Variants in ALDH1A3 observed in about 807,000 individuals in gnomAD.
The protein encoded by ALDH1A3 is aldehyde dehydrogenase 1 family member A3, also known as retinaldehyde dehydrogenase 3.
ALDH1A3 carries 28 observed loss-of-function variants against 57.5 expected under a neutral mutation model. The ratio of observed to expected loss-of-function variants is 0.49; its 90% CI spans 0.36 to 0.67. The LOEUF (loss-of-function observed/expected upper bound fraction) is 0.67. ALDH1A3 is among the 30% of genes least tolerant of loss of function. The pLI is 0.00. For synonymous variants in ALDH1A3, 281 were observed against 264.8 expected (o/e 1.06, Z -0.59); for missense variants, 507 against 669.4 (o/e 0.76, Z 2.68).
In ALDH1A3 at chr15:100,900,701, A is replaced by T; in HGVS notation, c.1010A>T (p.Tyr337Phe). The T allele has an allele frequency of 6.2e-7, 1 of 1,614,122 alleles. No individual in the cohort carries two copies. Among genetic ancestry groups the T allele is most frequent in the East Asian group, 2.2e-5 (1 of 44,870 alleles). ...YSEFVRRSVE[Y>F]AKKRPVGDPF... The stretch of plus-strand genomic sequence containing the variant: ...GAGTTTGTCAGGCGGAGCGTGGAGT[A>T]TGCCAAGAAACGGCCCGTGGGAGAC... Residue 337 changes from tyrosine (Y) to phenylalanine (F), a missense_variant, in exon 9 of 13, where the codon TAT becomes TTT. By Grantham distance (22) the Tyr-to-Phe change is conservative. Coordinates refer to ENST00000329841, the MANE Select transcript of ALDH1A3 (RefSeq NM_000693.4).
chr15:100,900,384 G>T (rs1442536116), intron 8 of ALDH1A3, among the ~76,000 whole-genome samples, 191 bp from the exon 9 acceptor site: 1 of 152,176 alleles, frequency 6.6e-6, no homozygotes, highest in African/African-American at 2.4e-5. Context: ...AAACTTGGTG[G>T]ACCCCAAAAT....
intron 9 of ALDH1A3, among the ~76,000 whole-genome samples, chr15:100,902,783 A>G (rs1465790708): frequency 2.0e-5 from 3 of 152,232 alleles, no homozygotes; most frequent in Non-Finnish European, 4.4e-5. Context: ...GATTTAAACA[A>G]TGTGTTCCTA....
rs918377768 is a variant in ALDH1A3 at position 100,900,865 on chromosome 15, C to T, written c.1068+106C>T. 12 of 1,228,544 alleles carry T rather than the reference C, an allele frequency of 9.8e-6. No homozygotes were observed. The African/African-American group carries it at 1.2e-4, about 12-fold the overall frequency. The allele number at this position is 1,228,544 out of a possible 1,614,324, so 76.1% of individuals were successfully genotyped here. A position where few individuals can be genotyped will look rare whatever the true frequency, so the allele number is the denominator to read the frequency against. The stretch of plus-strand genomic sequence containing the variant: ...TCCCTCTCCGTGAAAGGAATGCTGA[C>T]CTGTCCTGCCCAGGAGGCTTTCTTT... On this transcript the variant is annotated intron_variant, in intron 9 of 12. Coordinates refer to ENST00000329841, the MANE Select transcript of ALDH1A3 (RefSeq NM_000693.4).
intron 3 of ALDH1A3, 65 bp from the exon 4 acceptor site, chr15:100,892,445 A>T: frequency 1.2e-6 from 2 of 1,603,474 alleles, no homozygotes; most frequent in Non-Finnish European, 1.7e-6. Context: ...TTCCATCTTT[A>T]ACAACCTGAC....
chr15:100,880,321 G>T, intron 1 of ALDH1A3: 1 of 372,432 alleles, frequency 2.7e-6, no homozygotes. Flanking sequence ...CTTTGATCGC[G>T]AGTGGAGGTG....
In ALDH1A3 at chr15:100,879,970, G is replaced by A; in HGVS notation, c.63G>A (p.Pro21=). 5 of 1,476,282 alleles carry A rather than the reference G, an allele frequency of 3.4e-6. No individual in the cohort carries two copies. The highest frequency in any genetic ancestry group is 2.7e-6 in the Non-Finnish European group (3 of 1,112,296). 91.4% of individuals were successfully genotyped at this position (1,476,282 alleles called of 1,614,324 possible). The change falls in exon 1 of 13, where the codon CCG becomes CCA. Residue 21 remains proline, a synonymous_variant. Coordinates refer to ENST00000329841, the MANE Select transcript of ALDH1A3 (RefSeq NM_000693.4). ...GQPDRKPPAL[P]RPIRNLEVKF... ...CGGACAGGAAGCCGCCGGCCCTGCCGCGCCCCATCCGCAACCTGGAGGTCA... is the reference window on the plus strand; with the variant it reads ...CGGACAGGAAGCCGCCGGCCCTGCCACGCCCCATCCGCAACCTGGAGGTCA...
In ALDH1A3 at chr15:100,887,738, T is replaced by TG. The variant is rs763048246; in HGVS notation, c.345+31dup. 1 of 1,560,396 alleles carries TG rather than the reference T, an allele frequency of 6.4e-7. No individual in the cohort carries two copies. Among genetic ancestry groups the TG allele is most frequent in the Non-Finnish European group, 8.7e-7 (1 of 1,149,134 alleles). ...GTGAGTACATGCACTTGGGGGCCGG[T>TG]GGGGGATGAGCCAGCCTCACTGAGG... On this transcript the variant is annotated intron_variant, in intron 3 of 12. Coordinates refer to ENST00000329841, the MANE Select transcript of ALDH1A3 (RefSeq NM_000693.4). This position sits in a 1 kb window ranked among gnomAD's most constrained non-coding sequence, Gnocchi z 4.6.
At chr15:100,904,499 A>T (rs1248964283) in intron 9 of ALDH1A3, among the ~76,000 whole-genome samples, 1 of 152,208 alleles carries the variant, frequency 6.6e-6, no homozygotes, top group Non-Finnish European at 1.5e-5. Flanking sequence ...GTTTATGATC[A>T]TTGGAATGAA....
At position 100,879,913 on chromosome 15, in the gene ALDH1A3, C is replaced by G; in HGVS notation, c.6C>G (p.Ala2=). M[A]TANGAVENGQ... is the part of the protein sequence containing the mutation. ...CCAGGGAGCGCGGAGGAGCCATGGC[C>G]ACCGCTAACGGGGCCGTGGAAAACG... is the stretch of plus-strand genomic sequence containing the variant. The change falls in exon 1 of 13, where the codon GCC becomes GCG. Residue 2 remains alanine (A), a synonymous_variant. Transcript: ENST00000329841. 2 of 1,449,908 alleles carry G rather than the reference C, an allele frequency of 1.4e-6. No individual in the cohort carries two copies. The highest frequency in any genetic ancestry group is 2.0e-4 in the Middle Eastern group (1 of 4,994). 89.8% of individuals were successfully genotyped at this position (1,449,908 alleles called of 1,614,324 possible).
Position 100,915,771 on chromosome 15 carries a change from C to T in ALDH1A3, c.*998C>T, listed in dbSNP as rs1378380955. The T allele has an allele frequency of 6.6e-6, 1 of 152,214 alleles. No homozygotes were observed. Among genetic ancestry groups the T allele is most frequent in the Non-Finnish European group, 1.5e-5 (1 of 68,040 alleles). 9.4% of individuals were successfully genotyped at this position (152,214 alleles called of 1,614,324 possible). A position where few individuals can be genotyped will look rare whatever the true frequency, so the allele number is the denominator to read the frequency against. ...AACTGGAAAGACTGCTGTAATAACA[C>T]AGCCTTGTTATTTTTAAGTCCTATT... On this transcript the variant is annotated 3_prime_UTR_variant, in exon 13 of 13. Coordinates refer to ENST00000329841, the MANE Select transcript of ALDH1A3 (RefSeq NM_000693.4).
Position 100,885,739 on chromosome 15 carries a change from C to T in ALDH1A3, c.204+368C>T, listed in dbSNP as rs57949555. On this transcript the variant is annotated intron_variant, in intron 2 of 12. Coordinates refer to ENST00000329841, the MANE Select transcript of ALDH1A3 (RefSeq NM_000693.4). ...AAGCATTTCCCGCTGGTGTGTTTCACGAAATGAAGCTTTCTGGCAGAAGAC... is the reference window on the plus strand; with the variant it reads ...AAGCATTTCCCGCTGGTGTGTTTCATGAAATGAAGCTTTCTGGCAGAAGAC... Among the ~76,000 whole-genome samples, 1,380 of 149,734 alleles carry T rather than the reference C, an allele frequency of 9.2e-3. 18 individuals carry two copies. The highest frequency in any genetic ancestry group is 0.032 in the African/African-American group (1,313 of 40,468).
At chr15:100,914,366 C>G (rs569164443) in intron 12 of ALDH1A3, 1 of 183,608 alleles carries the variant, frequency 5.4e-6, no homozygotes, top group Admixed American at 5.8e-5. Context: ...GTCCACCAGG[C>G]TCTCTCGTTT....
At chr15:100,900,515 C>A in intron 8 of ALDH1A3, 60 bp from the exon 9 acceptor site, 1 of 1,485,858 alleles carries the variant, frequency 6.7e-7, no homozygotes, top group Non-Finnish European at 9.2e-7. Flanking sequence ...ACCAGTCCTG[C>A]TTTAACAACT....
intron 8 of ALDH1A3, 142 bp downstream of exon 8, chr15:100,898,327 CCA>C (rs1019566549): frequency 1.6e-6 from 1 of 633,724 alleles, no homozygotes; most frequent in African/African-American, 1.8e-5. Flanking sequence ...GGCATCCTGC[CCA>C]CAGTCAGCCA....
chr15:100,907,131 C>G lies in ALDH1A3; in HGVS notation c.1244C>G (p.Pro415Arg). Residue 415 changes from proline to arginine, a missense_variant, in exon 11 of 13, where the codon CCA becomes CGA. Transcript: ENST00000329841. Reference sequence around the variant, plus strand: ...TGCAATTAATCATAGATTTTCGGGCCAGTGCAACCAATACTGAAGTTCAAA... The same window carrying G: ...TGCAATTAATCATAGATTTTCGGGCGAGTGCAACCAATACTGAAGTTCAAA... ...MRIAKEEIFG[P>R]VQPILKFKSI... is the part of the protein sequence containing the mutation. 2 of 1,612,470 alleles carry G rather than the reference C, an allele frequency of 1.2e-6. No homozygotes were observed. Among genetic ancestry groups the G allele is most frequent in the Non-Finnish European group, 1.7e-6 (2 of 1,179,176 alleles).
chr15:100,887,738 T>C lies in ALDH1A3; in HGVS notation c.345+26T>C. 8 of 1,560,396 alleles carry C rather than the reference T, an allele frequency of 5.1e-6. No individual in the cohort carries two copies. Among genetic ancestry groups the C allele is most frequent in the Non-Finnish European group, 7.0e-6 (8 of 1,149,134 alleles). On this transcript the variant is annotated intron_variant, in intron 3 of 12. Coordinates refer to ENST00000329841, the MANE Select transcript of ALDH1A3 (RefSeq NM_000693.4). This position sits in a 1 kb window ranked among gnomAD's most constrained non-coding sequence, Gnocchi z 4.6. ...GTGAGTACATGCACTTGGGGGCCGG[T>C]GGGGGATGAGCCAGCCTCACTGAGG...
chr15:100,902,505 C>G lies in ALDH1A3; in HGVS notation c.1068+1746C>G, dbSNP rs182931162. Among the ~76,000 whole-genome samples, 5 of 152,318 alleles carry G rather than the reference C, an allele frequency of 3.3e-5. 1 individual carries two copies. The South Asian group carries it at 1.0e-3, about 32-fold the overall frequency. On this transcript the variant is annotated intron_variant, in intron 9 of 12. Coordinates refer to ENST00000329841, the MANE Select transcript of ALDH1A3 (RefSeq NM_000693.4). ...GCTGACCTAGATCCGGGTCCACGGC[C>G]GGGCTAGCGCTCACAGGAATGCTCC...
In ALDH1A3 at chr15:100,887,444, A is replaced by AAAGATGACACCC. The variant is rs1567168080; in HGVS notation, c.205-125_205-114dup. The AAAGATGACACCC allele has an allele frequency of 3.5e-6, 4 of 1,159,336 alleles. No homozygotes were observed. Among genetic ancestry groups the AAAGATGACACCC allele is most frequent in the Non-Finnish European group, 3.5e-6 (3 of 847,646 alleles). The allele number at this position is 1,159,336 out of a possible 1,614,324, so 71.8% of individuals were successfully genotyped here. A position where few individuals can be genotyped will look rare whatever the true frequency, so the allele number is the denominator to read the frequency against. On this transcript the variant is annotated intron_variant, in intron 2 of 12. Coordinates refer to ENST00000329841, the MANE Select transcript of ALDH1A3 (RefSeq NM_000693.4). This position sits in a 1 kb window ranked among gnomAD's most constrained non-coding sequence, Gnocchi z 4.6. ...TGACACCCAAACTGCAGTCACGTCAAAAGATGACACCCAAACTGCAGTCAC... is the reference window on the plus strand; with the variant it reads ...TGACACCCAAACTGCAGTCACGTCAAAAGATGACACCCAAGATGACACCCAAACTGCAGTCAC...
At chr15:100,913,198 T>C (rs560041655) in intron 12 of ALDH1A3, 2 of 152,164 alleles carry the variant, frequency 1.3e-5, no homozygotes, top group Admixed American at 6.5e-5. Flanking sequence ...GGCCCCACCA[T>C]AGAGTTTCTG....
Sources: gnomAD v4.1 joint callset for allele counts (sites outside exome capture counted in the v4.1 genomes callset) on GRCh38, gnomAD v4.1.1 for gene constraint, Gnocchi (gnomAD v3.1) non-coding constraint, MANE v1.5 for transcripts, NCBI Gene and HGNC (gene_info 2026-07-23, HGNC 2026-07-21) for gene names.